DGKB: variants seen among roughly 807,000 people sequenced by gnomAD.
The protein encoded by DGKB is 90 kDa diacylglycerol kinase.
A neutral mutation model predicts 114.3 loss-of-function variants in DGKB; 67 were observed. The observed-to-expected ratio is 0.59, with a 90% CI of 0.48 to 0.72. The LOEUF (loss-of-function observed/expected upper bound fraction) is 0.72, where lower values mean the gene tolerates loss of function less well. Ranked by LOEUF, DGKB falls within the 30% of genes least tolerant of loss-of-function variation. DGKB has a pLI of 0.00. For synonymous variants in DGKB, 398 were observed against 323.1 expected (o/e 1.23, Z -2.49); for missense variants, 907 against 975.2 (o/e 0.93, Z 0.93).
intron 21 of DGKB, among the ~76,000 whole-genome samples, chr7:14,421,851 T>C (rs947524737): frequency 5.3e-5 from 8 of 152,142 alleles, no homozygotes; most frequent in African/African-American, 1.4e-4. Flanking sequence ...GTTACTATTT[T>C]CAAACAAATA....
At chr7:14,386,664 C>T (rs1563075206) in intron 21 of DGKB, among the ~76,000 whole-genome samples, 1 of 152,144 alleles carries the variant, frequency 6.6e-6, no homozygotes, top group Admixed American at 6.5e-5. Flanking sequence ...ACAGTAATTA[C>T]AGCAAAGCTG....
chr7:14,390,053 G>A (rs1265511125), intron 21 of DGKB, among the ~76,000 whole-genome samples: 1 of 152,126 alleles, frequency 6.6e-6, no homozygotes, highest in Non-Finnish European at 1.5e-5. Context: ...AAAACCCTAA[G>A]TAAGGGTGAG....
chr7:14,573,467 CTGTGTGTGTGTGTGTGTGTGTGTG>C (rs4027158), intron 20 of DGKB, among the ~76,000 whole-genome samples: 2 of 145,596 alleles, frequency 1.4e-5, no homozygotes, highest in African/African-American at 5.0e-5. Context: ...TAATCTATCT[CTGTGTGTGTGTGTGTGTGTGTGTG>C]TGTGTGTGTG....
chr7:14,941,942 T>C (rs1188090526), intron 1 of DGKB, among the ~76,000 whole-genome samples: 1 of 152,038 alleles, frequency 6.6e-6, no homozygotes, highest in Admixed American at 6.6e-5. Flanking sequence ...AGTAATCATA[T>C]ATTTGGAGCC....
chr7:14,769,074 A>G (rs1052885380), intron 2 of DGKB, among the ~76,000 whole-genome samples: 1 of 64,180 alleles, frequency 1.6e-5, no homozygotes, highest in African/African-American at 7.8e-5. Flanking sequence ...TAAAGATAAG[A>G]AAGAAAGAAA....
chr7:14,740,292 A>T (rs1353003481), intron 4 of DGKB, among the ~76,000 whole-genome samples: 1 of 147,384 alleles, frequency 6.8e-6, no homozygotes, highest in Non-Finnish European at 1.5e-5. Flanking sequence ...GTGTGAAGGT[A>T]GTTACAGTTT....
At chr7:14,451,883 A>T (rs1431518) in intron 21 of DGKB, among the ~76,000 whole-genome samples, 143,170 of 152,124 alleles carry the variant, frequency 0.94, 67,462 homozygotes, top group East Asian at 1. Context: ...GGATCAATTA[A>T]AGAAATTAAT....
chr7:14,482,839 A>G (rs1268289792), intron 20 of DGKB, among the ~76,000 whole-genome samples: 1 of 152,146 alleles, frequency 6.6e-6, no homozygotes, highest in Non-Finnish European at 1.5e-5. Context: ...GAAAATTACA[A>G]TAATAGCCAC....
At chr7:14,914,938 G>C (rs1286827641) in intron 1 of DGKB, among the ~76,000 whole-genome samples, 7 of 151,994 alleles carry the variant, frequency 4.6e-5, no homozygotes, top group Non-Finnish European at 1.0e-4. Context: ...GAATCAATGA[G>C]CTTGAACACA....
chr7:14,545,119 G>T (rs1457065476), intron 20 of DGKB, among the ~76,000 whole-genome samples: 4 of 149,800 alleles, frequency 2.7e-5, no homozygotes, highest in Non-Finnish European at 5.9e-5. Context: ...CTAAAATTTT[G>T]TTTTCTTTTT....
At chr7:14,635,210 G>T (rs140067638) in intron 13 of DGKB, among the ~76,000 whole-genome samples, 1 of 110,118 alleles carries the variant, frequency 9.1e-6, no homozygotes, top group Non-Finnish European at 1.9e-5. Flanking sequence ...CCCTTCAACT[G>T]TAATTGCTCA....
intron 20 of DGKB, 137 bp from the exon 21 acceptor site, chr7:14,478,362 A>T: frequency 3.8e-6 from 2 of 523,896 alleles, no homozygotes. Context: ...GTTATGTAAA[A>T]TTAGGCAAAA....
intron 20 of DGKB, among the ~76,000 whole-genome samples, chr7:14,485,746 C>A (rs1401855253): frequency 6.7e-6 from 1 of 148,764 alleles, no homozygotes; most frequent in Non-Finnish European, 1.5e-5. Context: ...AAAAAAAATA[C>A]CCGGGCATGG....
intron 1 of DGKB, among the ~76,000 whole-genome samples, chr7:14,892,388 A>T (rs747298550): frequency 6.6e-6 from 1 of 151,338 alleles, no homozygotes; most frequent in Non-Finnish European, 1.5e-5. Flanking sequence ...AATAAAGGAA[A>T]ATTGCCATAC....
At chr7:14,307,042 T>C (rs990226789) in intron 23 of DGKB, among the ~76,000 whole-genome samples, 1 of 152,202 alleles carries the variant, frequency 6.6e-6, no homozygotes, top group African/African-American at 2.4e-5. Flanking sequence ...TTTCTCATTA[T>C]AGCACTTATC....
intron 15 of DGKB, among the ~76,000 whole-genome samples, chr7:14,617,755 C>A (rs1292093455): frequency 6.6e-6 from 1 of 151,610 alleles, no homozygotes; most frequent in African/African-American, 2.4e-5. Flanking sequence ...TTCTTACTGA[C>A]CCTAGGCATA....
At chr7:14,451,719 C>G (rs761639878) in intron 21 of DGKB, among the ~76,000 whole-genome samples, 17 of 151,992 alleles carry the variant, frequency 1.1e-4, no homozygotes, top group Non-Finnish European at 2.1e-4. Flanking sequence ...GAGAAAGATA[C>G]CCAGAACAAC....
chr7:14,932,178 G>T (rs2128251250), intron 1 of DGKB, among the ~76,000 whole-genome samples: 1 of 152,246 alleles, frequency 6.6e-6, no homozygotes, highest in South Asian at 2.1e-4. Flanking sequence ...TCCCATGTGG[G>T]AAGATGGGCT....
intron 14 of DGKB, among the ~76,000 whole-genome samples, chr7:14,624,702 A>C (rs1302827671): frequency 6.6e-6 from 1 of 152,128 alleles, no homozygotes; most frequent in Non-Finnish European, 1.5e-5. Flanking sequence ...AAACAATCAG[A>C]AATAATACAA....
Sources: allele counts gnomAD v4.1 joint callset (sites outside exome capture counted in the v4.1 genomes callset), GRCh38; gene constraint gnomAD v4.1.1; transcripts MANE v1.5; gene names NCBI Gene and HGNC (gene_info 2026-07-23, HGNC 2026-07-21).